The following SDCBP2 variants were observed in gnomAD, a reference collection of about 807,000 sequenced individuals.
SDCBP2 encodes the protein syndecan binding protein 2.
In SDCBP2, 28 loss-of-function variants were observed where a neutral mutation model predicts 30.7. That is an observed-to-expected ratio of 0.91 (90% confidence interval 0.68 to 1.25). The LOEUF is 1.25. Ranked by LOEUF, SDCBP2 falls within the 50% of genes most tolerant of loss-of-function variation. SDCBP2 has a pLI of 0.00. For synonymous variants in SDCBP2, 166 were observed against 157.3 expected (o/e 1.06, Z -0.41); for missense variants, 399 against 379.0 (o/e 1.05, Z -0.44).
intron 1 of SDCBP2, chr20:1,323,028 C>T (rs1204937126): frequency 1.3e-5 from 2 of 152,210 alleles, no homozygotes; most frequent in East Asian, 1.9e-4. Context: ...CAGCCTACCT[C>T]GCAAATGGGG....
At chr20:1,315,333 C>A (rs1325783308) in intron 4 of SDCBP2, among the ~76,000 whole-genome samples, 1 of 152,194 alleles carries the variant, frequency 6.6e-6, no homozygotes, top group African/African-American at 2.4e-5. Flanking sequence ...AGTTCAAGAC[C>A]AGCCTGGGCA....
chr20:1,319,474 C>A, intron 3 of SDCBP2, 116 bp downstream of exon 3: 1 of 1,119,676 alleles, frequency 8.9e-7, no homozygotes, highest in Non-Finnish European at 1.3e-6. Context: ...CTCTTCCCAC[C>A]ATGTTGAGTC....
At chr20:1,323,024 A>C (rs989934678) in intron 1 of SDCBP2, 1 of 152,296 alleles carries the variant, frequency 6.6e-6, no homozygotes, top group East Asian at 1.9e-4. Flanking sequence ...GTCACAGCCT[A>C]CCTCGCAAAT....
rs2088652804 is a variant in SDCBP2 at position 1,310,785 on chromosome 20, G to A, written c.824+15C>T. 1.2e-6 allele frequency: 2 copies of A among 1,604,066 alleles called. No homozygotes were observed. The highest frequency in any genetic ancestry group is 1.3e-5 in the African/African-American group (1 of 74,776). On this transcript the variant is annotated intron_variant, in intron 8 of 8. Coordinates refer to ENST00000360779, the MANE Select transcript of SDCBP2 (RefSeq NM_080489.5). ...GAGGAGGGGTGAGGAGGGGTGAGGA[G>A]GGGTGCAGCCTTACTTTTTGACCAT...
chr20:1,319,756 G>A (rs2088828080), intron 2 of SDCBP2, 97 bp from the exon 3 acceptor site: 3 of 1,023,404 alleles, frequency 2.9e-6, no homozygotes, highest in South Asian at 1.7e-5. Flanking sequence ...CATTAGGGGT[G>A]TGAGTGGGCC....
rs911526917 is a variant in SDCBP2, at chr20:1,324,932, A to G, written c.-20+4153T>C. ...TGTAAGCCAGCCTCAGCTTTTACAAAGTGAAATGCATATTCTTTTATTAGA... is the reference window on the plus strand; with the variant it reads ...TGTAAGCCAGCCTCAGCTTTTACAAGGTGAAATGCATATTCTTTTATTAGA... On this transcript the variant is annotated intron_variant, in intron 1 of 8. Transcript: ENST00000360779. The surrounding 1 kb of genome is among the most constrained non-coding windows in gnomAD (Gnocchi z 4.7). Among the ~76,000 whole-genome samples, 34 of 152,206 alleles carry G rather than the reference A, an allele frequency of 2.2e-4. No homozygotes were observed. The highest frequency in any genetic ancestry group is 8.0e-4 in the African/African-American group (33 of 41,444).
rs151147373 is a variant in SDCBP2 at position 1,319,467 on chromosome 20, T to G, written c.124+123A>C. 6.6e-4 allele frequency: 719 copies of G among 1,084,718 alleles called. 2 individuals carry two copies. The African/African-American group carries it at 0.01, about 16-fold the overall frequency. The allele number at this position is 1,084,718 out of a possible 1,614,324, so 67.2% of individuals were successfully genotyped here. ...TGGCAACTGGAAGCCTGGTCCTCTCTTCCCACCATGTTGAGTCCTTAACCC... is the reference window on the plus strand; with the variant it reads ...TGGCAACTGGAAGCCTGGTCCTCTCGTCCCACCATGTTGAGTCCTTAACCC... On this transcript the variant is annotated intron_variant, in intron 3 of 8. Coordinates refer to ENST00000360779, the MANE Select transcript of SDCBP2 (RefSeq NM_080489.5).
chr20:1,317,977 C>T (rs1600280959), intron 4 of SDCBP2: 3 of 369,546 alleles, frequency 8.1e-6, no homozygotes, highest in South Asian at 2.1e-5. Flanking sequence ...CCTGCCCTCT[C>T]GGCTCTGTTT....
intron 4 of SDCBP2, among the ~76,000 whole-genome samples, chr20:1,317,008 GA>G (rs1023370406): frequency 1.3e-5 from 2 of 152,188 alleles, no homozygotes; most frequent in Non-Finnish European, 2.9e-5. Flanking sequence ...CATACTGTAC[GA>G]TTCCACTTAT....
intron 4 of SDCBP2, 73 bp downstream of exon 4, chr20:1,318,245 G>A: frequency 9.6e-7 from 1 of 1,046,326 alleles, no homozygotes; most frequent in Non-Finnish European, 1.5e-6. Flanking sequence ...AAGGTCTGTT[G>A]AAATGGCAAG....
At chr20:1,312,185 A>T in intron 7 of SDCBP2, 152 bp downstream of exon 7, 1 of 750,804 alleles carries the variant, frequency 1.3e-6, no homozygotes, top group Non-Finnish European at 2.1e-6. Context: ...GACGTGAGTC[A>T]CCGCACCCAG....
rs1320797271 is a variant in SDCBP2 at position 1,313,482 on chromosome 20, G to A, written c.242C>T (p.Pro81Leu). The A allele has an allele frequency of 2.5e-6, 4 of 1,592,890 alleles. No individual in the cohort carries two copies. Among genetic ancestry groups the A allele is most frequent in the Non-Finnish European group, 3.4e-6 (4 of 1,173,344 alleles). ...PEGDSTAVSG[P>L]GPGQMVAPVT... is the part of the protein sequence containing the mutation. ...CGGTGCCACCATCTGGCCGGGCCCG[G>A]GGCCCGAGACCGCTGTCTGCAGACA... is the stretch of plus-strand genomic sequence containing the variant. Residue 81 changes from proline to leucine, a missense_variant, in exon 5 of 9, where the codon CCC becomes CTC. Transcript: ENST00000360779. The surrounding 1 kb of genome is among the most constrained non-coding windows in gnomAD (Gnocchi z 5.2).
At chr20:1,312,801 C>T in intron 5 of SDCBP2, 39 bp from the exon 6 acceptor site, 1 of 1,565,406 alleles carries the variant, frequency 6.4e-7, no homozygotes, top group Non-Finnish European at 8.7e-7. Flanking sequence ...GTCCCTGGCC[C>T]ACCCTAGGCA....
In SDCBP2 at chr20:1,313,340, C is replaced by T; in HGVS notation, c.384G>A (p.Gln128=). The part of the protein sequence containing the change: ...KTGLRLRKVD[Q]GLFVQLVQAN... Reference sequence around the variant, plus strand: ...TTCCCACCCAGCCCCCGCGCCCTACCTGGTCGACCTTCCGCAGCCTCAGCC... The same window carrying T: ...TTCCCACCCAGCCCCCGCGCCCTACTTGGTCGACCTTCCGCAGCCTCAGCC... Residue 128 remains glutamine, a splice_region_variant and synonymous_variant, in exon 5 of 9, where the codon CAG becomes CAA. Transcript: ENST00000360779. The surrounding 1 kb of genome is among the most constrained non-coding windows in gnomAD (Gnocchi z 5.2). 6.2e-7 allele frequency: 1 copy of T among 1,611,018 alleles called. No individual in the cohort carries two copies. Among genetic ancestry groups the T allele is most frequent in the East Asian group, 2.2e-5 (1 of 44,842 alleles).
rs1315771957 is a variant in SDCBP2, at chr20:1,321,240, T to C, written c.-19-805A>G. On this transcript the variant is annotated intron_variant, in intron 1 of 8. Transcript: ENST00000360779. This position sits in a 1 kb window ranked among gnomAD's most constrained non-coding sequence, Gnocchi z 5.2. ...CCCCACTGAACTCACATGTGATGGG[T>C]ACACATGATAAAGGAATGCCCGCTG... 1 of 152,184 alleles carries C rather than the reference T, an allele frequency of 6.6e-6. No homozygotes were observed. The highest frequency in any genetic ancestry group is 1.5e-5 in the Non-Finnish European group (1 of 68,074). 9.4% of individuals were successfully genotyped at this position (152,184 alleles called of 1,614,324 possible). A position where few individuals can be genotyped will look rare whatever the true frequency, so the allele number is the denominator to read the frequency against.
At chr20:1,318,017 C>T (rs1028521206) in intron 4 of SDCBP2, 3 of 431,262 alleles carry the variant, frequency 7.0e-6, no homozygotes, top group African/African-American at 4.0e-5. Flanking sequence ...CTTTTGATGT[C>T]CCCAGGTTCA....
chr20:1,311,900 C>CTTTTTTTT (rs11471529), intron 7 of SDCBP2, among the ~76,000 whole-genome samples: 3,830 of 120,962 alleles, frequency 0.032, 330 homozygotes, highest in African/African-American at 0.12. Flanking sequence ...GGTACACTGT[C>CTTTTTTTT]TTTTTTTTTT....
rs1370924306 is a variant in SDCBP2, at chr20:1,321,116, CCTCCGGGACAG to C, written c.-19-692_-19-682del. The C allele has an allele frequency of 2.0e-5, 3 of 152,654 alleles. No homozygotes were observed. Among genetic ancestry groups the C allele is most frequent in the East Asian group, 3.9e-4 (2 of 5,182 alleles). The allele number at this position is 152,654 out of a possible 1,614,324, so 9.5% of individuals were successfully genotyped here. ...CTGCCCCTCCCACCCAGGACCCTGCCCTCCGGGACAGCTCCGGGACAGCACCGGGCCAGCCT... is the reference window on the plus strand; with the variant it reads ...CTGCCCCTCCCACCCAGGACCCTGCCCTCCGGGACAGCACCGGGCCAGCCT... On this transcript the variant is annotated intron_variant, in intron 1 of 8. Coordinates refer to ENST00000360779, the MANE Select transcript of SDCBP2 (RefSeq NM_080489.5). This position sits in a 1 kb window ranked among gnomAD's most constrained non-coding sequence, Gnocchi z 5.2.
At chr20:1,312,823 T>C (rs2088699418) in intron 5 of SDCBP2, 61 bp from the exon 6 acceptor site, 1 of 1,506,254 alleles carries the variant, frequency 6.6e-7, no homozygotes, top group Non-Finnish European at 8.9e-7. Context: ...AGATCCCTCT[T>C]CCAACCTGTT....
Sources: gnomAD v4.1 joint callset for allele counts (sites outside exome capture counted in the v4.1 genomes callset) on GRCh38, gnomAD v4.1.1 for gene constraint, Gnocchi (gnomAD v3.1) non-coding constraint, MANE v1.5 for transcripts, NCBI Gene and HGNC (gene_info 2026-07-23, HGNC 2026-07-21) for gene names.